Variants in DLG2 observed in about 807,000 individuals in gnomAD.
DLG2 encodes the protein disks large homolog 2.
A neutral mutation model predicts 132.5 loss-of-function variants in DLG2; 45 were observed. That is an observed-to-expected ratio of 0.34 (90% CI 0.27 to 0.44). The LOEUF (loss-of-function observed/expected upper bound fraction) is 0.44. DLG2 is among the 20% of genes least tolerant of loss of function. The probability of loss-of-function intolerance (pLI) is 1.00; values close to 1 mark genes in which losing one functional copy is unlikely to be tolerated. For synonymous variants in DLG2, 424 were observed against 419.6 expected, an observed-to-expected ratio of 1.01 and a Z score of -0.13; for missense variants, 1,045 against 1,196.9, an observed-to-expected ratio of 0.87 and a Z score of 1.87.
At chr11:84,013,532 A>T (rs2094998188) in intron 11 of DLG2, among the ~76,000 whole-genome samples, 1 of 152,238 alleles carries the variant, frequency 6.6e-6, no homozygotes, top group East Asian at 1.9e-4. Context: ...AATAGAACTG[A>T]TTTGACCTCT....
At chr11:84,533,600 A>T (rs1033983772) in intron 7 of DLG2, among the ~76,000 whole-genome samples, 1 of 152,192 alleles carries the variant, frequency 6.6e-6, no homozygotes, top group Non-Finnish European at 1.5e-5. Flanking sequence ...AAGGTTAAGC[A>T]TAAGTTAACC....
chr11:84,089,851 T>C (rs1275524548), intron 10 of DLG2, among the ~76,000 whole-genome samples: 1 of 152,202 alleles, frequency 6.6e-6, no homozygotes, highest in African/African-American at 2.4e-5. Context: ...TTCTACATGG[T>C]GCTTTTGTGC....
intron 17 of DLG2, among the ~76,000 whole-genome samples, chr11:83,799,570 TCTC>T (rs2043787906): frequency 6.6e-6 from 1 of 152,214 alleles, no homozygotes; most frequent in Non-Finnish European, 1.5e-5. Flanking sequence ...ATGCAGCTAT[TCTC>T]CTCAAATACT....
chr11:85,065,284 C>G (rs115522232), intron 6 of DLG2, among the ~76,000 whole-genome samples: 2,042 of 151,584 alleles, frequency 0.013, 43 homozygotes, highest in African/African-American at 0.046. Flanking sequence ...GCATCTTCCA[C>G]ATTGTCTACC....
chr11:83,722,535 G>A (rs909257453), intron 18 of DLG2, among the ~76,000 whole-genome samples: 1 of 152,108 alleles, frequency 6.6e-6, no homozygotes, highest in African/African-American at 2.4e-5. Context: ...AGTCCAGCAA[G>A]TTTACCTCCT....
At chr11:85,507,111 C>T (rs542539081) in intron 3 of DLG2, among the ~76,000 whole-genome samples, 1 of 152,212 alleles carries the variant, frequency 6.6e-6, no homozygotes, top group South Asian at 2.1e-4. Context: ...TGTGTCTGCA[C>T]GTTAGATGGG....
rs941115971 is a variant in DLG2, at chr11:83,933,271, C to T, written c.1341-2788G>A. Among the ~76,000 whole-genome samples, 23 of 152,344 alleles carry T rather than the reference C, an allele frequency of 1.5e-4. 1 individual carries two copies. The East Asian group carries it at 4.2e-3, about 28-fold the overall frequency. On this transcript the variant is annotated intron_variant, in intron 14 of 27. Transcript: ENST00000376104. ...AAGGGCCTGCTTATCCTATTATAAA[C>T]TGCCAGAATGGCCTAGGTCAGAAGG...
intron 6 of DLG2, among the ~76,000 whole-genome samples, chr11:84,624,222 T>A (rs2099618467): frequency 6.6e-6 from 1 of 152,152 alleles, no homozygotes; most frequent in Non-Finnish European, 1.5e-5. Context: ...AGCAGTGTAT[T>A]TTCCTGTTTT....
At chr11:83,943,840 T>C (rs997528704) in intron 14 of DLG2, among the ~76,000 whole-genome samples, 1 of 152,216 alleles carries the variant, frequency 6.6e-6, no homozygotes, top group African/African-American at 2.4e-5. Flanking sequence ...TGGGTTCAAA[T>C]ACTGTTCTTC....
intron 6 of DLG2, among the ~76,000 whole-genome samples, chr11:84,616,002 G>A (rs1037859512): frequency 2.6e-5 from 4 of 151,770 alleles, no homozygotes; most frequent in African/African-American, 9.7e-5. Flanking sequence ...CAGTGATCAA[G>A]ACAGACATTA....
intron 15 of DLG2, among the ~76,000 whole-genome samples, chr11:83,905,982 T>C (rs769526438): frequency 6.6e-6 from 1 of 151,880 alleles, no homozygotes; most frequent in South Asian, 2.1e-4. Context: ...AATAGCTGTG[T>C]TTTGTTAGAA....
At chr11:85,574,791 C>T (rs2078056945) in intron 3 of DLG2, among the ~76,000 whole-genome samples, 1 of 152,160 alleles carries the variant, frequency 6.6e-6, no homozygotes, top group Admixed American at 6.5e-5. Flanking sequence ...AGAAGCTGAG[C>T]AGATGCGGGT....
intron 6 of DLG2, among the ~76,000 whole-genome samples, chr11:84,851,343 T>C (rs921620752): frequency 1.3e-5 from 2 of 152,134 alleles, no homozygotes; most frequent in African/African-American, 4.8e-5. Context: ...TATTGCTATA[T>C]AGTATTCCAC....
intron 3 of DLG2, among the ~76,000 whole-genome samples, chr11:85,380,788 G>A (rs2085821064): frequency 6.6e-6 from 1 of 152,170 alleles, no homozygotes; most frequent in Non-Finnish European, 1.5e-5. Context: ...AGAGGCTATT[G>A]AGGATAATCC....
At chr11:84,501,592 C>T (rs982964117) in intron 7 of DLG2, among the ~76,000 whole-genome samples, 1 of 151,944 alleles carries the variant, frequency 6.6e-6, no homozygotes. Flanking sequence ...AATTTATTAC[C>T]CATTATGGAA....
intron 6 of DLG2, among the ~76,000 whole-genome samples, chr11:84,989,476 A>T (rs887754941): frequency 6.6e-6 from 1 of 152,108 alleles, no homozygotes; most frequent in African/African-American, 2.4e-5. Flanking sequence ...ATGACTGGCC[A>T]TAAGTTCTAA....
intron 7 of DLG2, among the ~76,000 whole-genome samples, chr11:84,510,089 G>A (rs1188675474): frequency 7.9e-6 from 1 of 127,116 alleles, no homozygotes; most frequent in Admixed American, 8.1e-5. Flanking sequence ...AGTAGTAAGA[G>A]TTCACTTATT....
At chr11:84,454,252 A>C (rs2099059349) in intron 7 of DLG2, among the ~76,000 whole-genome samples, 1 of 151,520 alleles carries the variant, frequency 6.6e-6, no homozygotes, top group Non-Finnish European at 1.5e-5. Flanking sequence ...AGAAGAAGGC[A>C]AAAATTTAGG....
chr11:83,559,841 A>C (rs1285728809), intron 19 of DLG2, among the ~76,000 whole-genome samples: 1 of 152,160 alleles, frequency 6.6e-6, no homozygotes, highest in Admixed American at 6.5e-5. Context: ...AAAGACAAAG[A>C]CCAAACCCTA....
Sources: gnomAD v4.1 joint callset for allele counts (sites outside exome capture counted in the v4.1 genomes callset) on GRCh38, gnomAD v4.1.1 for gene constraint, MANE v1.5 for transcripts, NCBI Gene and HGNC (gene_info 2026-07-23, HGNC 2026-07-21) for gene names.